The following WWTR1 variants were observed in gnomAD, a reference collection of about 807,000 sequenced individuals.
WWTR1 encodes WW domain-containing transcription regulator protein 1.
In WWTR1, 13 loss-of-function variants were observed where a neutral mutation model predicts 40.1. The observed-to-expected ratio is 0.32, with a 90% CI of 0.21 to 0.52. The LOEUF (loss-of-function observed/expected upper bound fraction) is 0.52. Ranked by LOEUF, WWTR1 falls within the 20% of genes least tolerant of loss-of-function variation. WWTR1 has a pLI of 0.97. For synonymous variants in WWTR1, 230 were observed against 210.1 expected (o/e 1.09, Z -0.82); for missense variants, 436 against 523.1 (o/e 0.83, Z 1.63).
intron 2 of WWTR1, among the ~76,000 whole-genome samples, chr3:149,627,443 A>C (rs1366045331): frequency 6.6e-6 from 1 of 152,320 alleles, no homozygotes; most frequent in East Asian, 1.9e-4. Context: ...ATACAGTCCT[A>C]GGAGTGAGGA....
upstream of WWTR1, among the ~76,000 whole-genome samples, chr3:149,706,178 G>A (rs1412528102): frequency 1.1e-4 from 16 of 151,974 alleles, no homozygotes; most frequent in Admixed American, 1.0e-3. Context: ...AGTCAAGCCT[G>A]GGTGACAGAG....
chr3:149,541,302 G>T (rs146735347), intron 4 of WWTR1, among the ~76,000 whole-genome samples: 76 of 152,338 alleles, frequency 5.0e-4, no homozygotes, highest in African/African-American at 1.6e-3. Flanking sequence ...GGAGAGCACT[G>T]TGGGTTCTTT....
intron 6 of WWTR1, 57 bp from the exon 7 acceptor site, chr3:149,521,046 G>C: frequency 6.6e-7 from 1 of 1,507,886 alleles, no homozygotes; most frequent in Non-Finnish European, 8.9e-7. Context: ...CTTGAAGGAG[G>C]AACAGTTCAA....
intron 1 of WWTR1, among the ~76,000 whole-genome samples, chr3:149,700,791 C>T (rs1057129596): frequency 6.6e-6 from 1 of 152,068 alleles, no homozygotes; most frequent in South Asian, 2.1e-4. Context: ...CCCTTGGACA[C>T]GTATGGGCTT....
At chr3:149,560,774 T>C (rs904324631) in intron 3 of WWTR1, among the ~76,000 whole-genome samples, 1 of 152,050 alleles carries the variant, frequency 6.6e-6, no homozygotes, top group Non-Finnish European at 1.5e-5. Context: ...GAAAATAATA[T>C]GGAATGAAAT....
chr3:149,643,330 T>C (rs1712293907), intron 2 of WWTR1, among the ~76,000 whole-genome samples: 2 of 152,246 alleles, frequency 1.3e-5, no homozygotes, highest in Non-Finnish European at 2.9e-5. Context: ...GCTATTTTTA[T>C]GGCTGTAATT....
chr3:149,682,215 T>G (rs988799653), intron 1 of WWTR1, among the ~76,000 whole-genome samples: 1 of 152,162 alleles, frequency 6.6e-6, no homozygotes, highest in African/African-American at 2.4e-5. Flanking sequence ...CAACCATCAT[T>G]GGTATCTGCA....
intron 2 of WWTR1, among the ~76,000 whole-genome samples, chr3:149,622,076 C>T (rs1196767800): frequency 1.3e-5 from 2 of 152,112 alleles, no homozygotes; most frequent in African/African-American, 4.8e-5. Flanking sequence ...ACTGCATGCC[C>T]CCCAGTCTTA....
chr3:149,618,825 G>T (rs1173496338), intron 2 of WWTR1, among the ~76,000 whole-genome samples: 1 of 152,092 alleles, frequency 6.6e-6, no homozygotes, highest in Non-Finnish European at 1.5e-5. Flanking sequence ...CAACTGAGAG[G>T]GCAGTGACAC....
intron 3 of WWTR1, 78 bp downstream of exon 3, chr3:149,572,786 A>T: frequency 6.5e-7 from 1 of 1,533,686 alleles, no homozygotes; most frequent in South Asian, 1.2e-5. Flanking sequence ...GTTCAACACC[A>T]GCCTGGGCAA....
chr3:149,687,101 G>C (rs1714679922), intron 1 of WWTR1, among the ~76,000 whole-genome samples: 1 of 152,106 alleles, frequency 6.6e-6, no homozygotes, highest in African/African-American at 2.4e-5. Context: ...GTCTCCCCCA[G>C]GCCTTCCCTC....
chr3:149,645,281 G>A (rs13078845), intron 2 of WWTR1, among the ~76,000 whole-genome samples: 8,666 of 151,076 alleles, frequency 0.057, 295 homozygotes, highest in Non-Finnish European at 0.077. Flanking sequence ...GGGTTTCACC[G>A]TGTTAGCCAG....
intron 2 of WWTR1, among the ~76,000 whole-genome samples, chr3:149,596,193 A>G (rs561643469): frequency 1.3e-5 from 2 of 152,344 alleles, no homozygotes; most frequent in African/African-American, 4.8e-5. Flanking sequence ...ATTACAGTAA[A>G]GGACAGTAAG....
At chr3:149,572,816 T>C in intron 3 of WWTR1, 48 bp downstream of exon 3, 1 of 1,589,062 alleles carries the variant, frequency 6.3e-7, no homozygotes, top group Non-Finnish European at 8.6e-7. Context: ...ACCCCAACTC[T>C]ACAAAAAAAA....
chr3:149,534,630 A>T (rs901847812), intron 4 of WWTR1, among the ~76,000 whole-genome samples: 16 of 152,176 alleles, frequency 1.1e-4, no homozygotes, highest in Non-Finnish European at 1.9e-4. Context: ...TACAAGTTCC[A>T]ATTTCAAGGG....
intron 5 of WWTR1, among the ~76,000 whole-genome samples, chr3:149,712,903 G>A (rs1391054374): frequency 6.6e-6 from 1 of 152,008 alleles, no homozygotes; most frequent in African/African-American, 2.4e-5. Flanking sequence ...TATGACATTC[G>A]CAAAAGTGGA....
intron 3 of WWTR1, among the ~76,000 whole-genome samples, chr3:149,561,125 T>C (rs1211321866): frequency 2.0e-5 from 3 of 152,158 alleles, no homozygotes; most frequent in Admixed American, 2.0e-4. Flanking sequence ...CAAAAATGTA[T>C]GTGTGTGCAA....
upstream of WWTR1, among the ~76,000 whole-genome samples, chr3:149,661,614 G>A (rs369786679): frequency 3.9e-5 from 6 of 152,022 alleles, no homozygotes; most frequent in East Asian, 9.7e-4. Flanking sequence ...AGTAGAGGCA[G>A]GATTTCATCA....
chr3:149,723,370 T>C (rs1344457399), intron 4 of WWTR1, among the ~76,000 whole-genome samples: 2 of 151,996 alleles, frequency 1.3e-5, no homozygotes, highest in Non-Finnish European at 2.9e-5. Context: ...GTATTTTTAG[T>C]AGAGACGGGG....
Sources: allele counts gnomAD v4.1 joint callset (sites outside exome capture counted in the v4.1 genomes callset), GRCh38; gene constraint gnomAD v4.1.1; transcripts MANE v1.5; gene names NCBI Gene and HGNC (gene_info 2026-07-23, HGNC 2026-07-21).